The following CACNA2D3 variants were observed in gnomAD, a reference collection of about 807,000 sequenced individuals.
CACNA2D3 encodes the protein calcium voltage-gated channel auxiliary subunit alpha2delta 3, also known as voltage-dependent calcium channel subunit alpha-2/delta-3.
CACNA2D3 carries 60 observed loss-of-function variants against 160.6 expected under a neutral mutation model. The ratio of observed to expected loss-of-function variants is 0.37; its 90% CI spans 0.30 to 0.46. The LOEUF (loss-of-function observed/expected upper bound fraction) is 0.46. Ranked by LOEUF, CACNA2D3 falls within the 20% of genes least tolerant of loss-of-function variation. The pLI, the probability that CACNA2D3 is intolerant of heterozygous loss-of-function variation, is 1.00. For synonymous variants in CACNA2D3, 558 were observed against 492.9 expected (o/e 1.13, Z -1.75); for missense variants, 1,205 against 1,365.0 (o/e 0.88, Z 1.85).
At chr3:54,280,594 CAT>C (rs1333234796) in intron 2 of CACNA2D3, among the ~76,000 whole-genome samples, 2 of 152,038 alleles carry the variant, frequency 1.3e-5, no homozygotes, top group Non-Finnish European at 2.9e-5. Flanking sequence ...GAGGAGGTGA[CAT>C]GAAAGCCTAG....
intron 3 of CACNA2D3, among the ~76,000 whole-genome samples, chr3:54,350,997 T>TTTTTTTTTTTTTTG (rs1698553464): frequency 8.3e-6 from 1 of 120,998 alleles, no homozygotes; most frequent in Non-Finnish European, 1.7e-5. Flanking sequence ...TTTTTTTTTT[T>TTTTTTTTTTTTTTG]TTTTTTTTTG....
At chr3:54,819,309 C>G (rs193084474) in intron 14 of CACNA2D3, among the ~76,000 whole-genome samples, 1 of 152,276 alleles carries the variant, frequency 6.6e-6, no homozygotes, top group African/African-American at 2.4e-5. Flanking sequence ...TTGAAAGTTA[C>G]TTCTCTTACC....
chr3:54,292,226 T>C (rs1469566462), intron 2 of CACNA2D3, among the ~76,000 whole-genome samples: 1 of 152,194 alleles, frequency 6.6e-6, no homozygotes, highest in East Asian at 1.9e-4. Context: ...TGTAAAGCTC[T>C]TAGAAGAAAA....
intron 5 of CACNA2D3, among the ~76,000 whole-genome samples, chr3:54,537,903 T>G (rs558222550): frequency 6.6e-6 from 1 of 152,278 alleles, no homozygotes. Context: ...CTGAGACATC[T>G]CTGTTCGTTG....
chr3:54,285,977 GA>G (rs1271259794), intron 2 of CACNA2D3, among the ~76,000 whole-genome samples: 1 of 152,094 alleles, frequency 6.6e-6, no homozygotes, highest in African/African-American at 2.4e-5. Flanking sequence ...CAAAGATGGG[GA>G]AAAAACAGAG....
intron 17 of CACNA2D3, among the ~76,000 whole-genome samples, chr3:54,866,797 G>T (rs1387618308): frequency 6.6e-6 from 1 of 152,202 alleles, no homozygotes; most frequent in Non-Finnish European, 1.5e-5. Flanking sequence ...GCTCTGTGCT[G>T]CAGGCAAGTC....
rs533596688 is a variant in CACNA2D3, at chr3:54,918,332, CTTTTTTTTTTTTTT to C, written c.2449+18474_2449+18487del. On this transcript the variant is annotated intron_variant, in intron 27 of 37. Transcript: ENST00000474759. ...TTTTACAGACACATCTTTTTTTTTTCTTTTTTTTTTTTTTTTTTTTTTTGTCTTTTGGCAAAAGC... is the reference window on the plus strand; with the variant it reads ...TTTTACAGACACATCTTTTTTTTTTCTTTTTTTTTGTCTTTTGGCAAAAGC... 11 of 228,020 alleles carry C rather than the reference CTTTTTTTTTTTTTT, an allele frequency of 4.8e-5. 1 individual carries two copies. The highest frequency in any genetic ancestry group is 6.8e-5 in the East Asian group (1 of 14,634). 14.1% of individuals were successfully genotyped at this position (228,020 alleles called of 1,614,324 possible). A position where few individuals can be genotyped will look rare whatever the true frequency, so the allele number is the denominator to read the frequency against.
intron 2 of CACNA2D3, among the ~76,000 whole-genome samples, chr3:54,150,726 T>C (rs994543316): frequency 5.3e-5 from 8 of 152,178 alleles, no homozygotes; most frequent in Non-Finnish European, 8.8e-5. Flanking sequence ...TAGAGAGGAA[T>C]AAACAAAATG....
chr3:54,655,443 A>C (rs987843303), intron 11 of CACNA2D3, among the ~76,000 whole-genome samples: 8 of 152,252 alleles, frequency 5.3e-5, no homozygotes, highest in Admixed American at 5.2e-4. Context: ...TCGCATTGTT[A>C]AAATCCGTCT....
rs377577566 is a variant in CACNA2D3 at position 54,328,398 on chromosome 3, C to T, written c.321+7840C>T. 2.2e-4 allele frequency among the ~76,000 whole-genome samples: 33 copies of T among 152,298 alleles called. No homozygotes were observed. The South Asian group carries it at 6.4e-3, about 30-fold the overall frequency. On this transcript the variant is annotated intron_variant, in intron 3 of 37. Transcript: ENST00000474759. ...CCGGGTTCAAGCAACTCTCCTGCCTCAGCCTCCTGAGTAGCTGGGATTACA... is the reference window on the plus strand; with the variant it reads ...CCGGGTTCAAGCAACTCTCCTGCCTTAGCCTCCTGAGTAGCTGGGATTACA...
At chr3:54,992,333 T>C (rs116040696) in intron 31 of CACNA2D3, among the ~76,000 whole-genome samples, 5 of 152,288 alleles carry the variant, frequency 3.3e-5, no homozygotes, top group Admixed American at 2.6e-4. Flanking sequence ...ATATATGGAA[T>C]GATATGTGAG....
rs567987162 is a variant in CACNA2D3, at chr3:54,146,139, A to T, written c.204+22545A>T. ...GGCAGCCCTCTTCCCTGCTATCCTCATTCCTGCAGCCTTGACTTCTGCCCT... is the reference window on the plus strand; with the variant it reads ...GGCAGCCCTCTTCCCTGCTATCCTCTTTCCTGCAGCCTTGACTTCTGCCCT... On this transcript the variant is annotated intron_variant, in intron 2 of 37. Coordinates refer to ENST00000474759, the MANE Select transcript of CACNA2D3 (RefSeq NM_018398.3). 2.0e-5 allele frequency among the ~76,000 whole-genome samples: 3 copies of T among 152,078 alleles called. No homozygotes were observed. The South Asian group carries it at 6.2e-4, about 32-fold the overall frequency.
At chr3:54,221,123 CA>C (rs1158048111) in intron 2 of CACNA2D3, among the ~76,000 whole-genome samples, 2 of 152,172 alleles carry the variant, frequency 1.3e-5, no homozygotes, top group Non-Finnish European at 2.9e-5. Context: ...ACAACCACCC[CA>C]AGAGGTAACC....
intron 8 of CACNA2D3, among the ~76,000 whole-genome samples, chr3:54,573,492 A>G (rs1361743235): frequency 2.0e-5 from 3 of 152,254 alleles, no homozygotes; most frequent in Non-Finnish European, 4.4e-5. Context: ...CATATTTTAC[A>G]GAATATTCAG....
At chr3:54,577,338 C>T (rs186239786) in intron 8 of CACNA2D3, among the ~76,000 whole-genome samples, 40 of 152,262 alleles carry the variant, frequency 2.6e-4, no homozygotes, top group African/African-American at 9.4e-4. Context: ...GACCCCGGTC[C>T]CTGGGAGGAT....
intron 2 of CACNA2D3, among the ~76,000 whole-genome samples, chr3:54,129,056 C>G (rs1699653626): frequency 6.6e-6 from 1 of 152,070 alleles, no homozygotes; most frequent in African/African-American, 2.4e-5. Context: ...TTCTCCTTTA[C>G]AGGAAGAAAA....
intron 11 of CACNA2D3, among the ~76,000 whole-genome samples, chr3:54,716,058 A>G (rs1205791133): frequency 1.3e-5 from 2 of 152,030 alleles, no homozygotes; most frequent in Non-Finnish European, 2.9e-5. Context: ...AAATCATCAC[A>G]TTGCGTATCT....
chr3:54,254,748 A>G (rs1159432708), intron 2 of CACNA2D3, among the ~76,000 whole-genome samples: 5 of 152,220 alleles, frequency 3.3e-5, no homozygotes, highest in Non-Finnish European at 5.9e-5. Context: ...CTTCCTTGTC[A>G]GAAATTCACA....
At chr3:54,162,793 A>G (rs1403272669) in intron 2 of CACNA2D3, among the ~76,000 whole-genome samples, 2 of 152,186 alleles carry the variant, frequency 1.3e-5, no homozygotes, top group East Asian at 1.9e-4. Flanking sequence ...ATTCTGTCCT[A>G]AGGATTCAGA....
Sources: gnomAD v4.1 joint callset for allele counts (sites outside exome capture counted in the v4.1 genomes callset) on GRCh38, gnomAD v4.1.1 for gene constraint, MANE v1.5 for transcripts, NCBI Gene and HGNC (gene_info 2026-07-23, HGNC 2026-07-21) for gene names.